The following SIRT1 variants were observed in gnomAD, a reference collection of about 807,000 sequenced individuals.
SIRT1 encodes sirtuin 1.
In SIRT1, 24 loss-of-function variants were observed where a neutral mutation model predicts 67.9. The ratio of observed to expected loss-of-function variants is 0.35; its 90% CI spans 0.26 to 0.50. The LOEUF (loss-of-function observed/expected upper bound fraction) is 0.50, where lower values mean the gene tolerates loss of function less well. Ranked by LOEUF, SIRT1 falls within the 20% of genes least tolerant of loss-of-function variation. SIRT1 has a pLI of 0.98. For missense variants in SIRT1, 873 were observed against 937.2 expected (o/e 0.93, Z 0.89); for synonymous variants, 378 against 350.7 (o/e 1.08, Z -0.87).
At position 67,887,448 on chromosome 10, in the gene SIRT1, T is replaced by C. The variant is rs1842501447; in HGVS notation, c.462T>C (p.Thr154=). 6.2e-7 allele frequency: 1 copy of C among 1,613,818 alleles called. No homozygotes were observed. Among genetic ancestry groups the C allele is most frequent in the Non-Finnish European group, 8.5e-7 (1 of 1,179,766 alleles). The change falls in exon 2 of 9, where the codon ACT becomes ACC. Residue 154 remains threonine, a synonymous_variant. Coordinates refer to ENST00000212015, the MANE Select transcript of SIRT1 (RefSeq NM_012238.5). ...DNLLFGDEII[T]NGFHSCESDE... is the part of the protein sequence containing the mutation. ...TTCTGTTCGGTGATGAAATTATCAC[T>C]AATGGTTTTCATTCCTGTGAAAGTG...
chr10:67,904,926 G>A (rs1373766246), intron 4 of SIRT1, among the ~76,000 whole-genome samples: 1 of 151,448 alleles, frequency 6.6e-6, no homozygotes, highest in Non-Finnish European at 1.5e-5. Context: ...GAATTAATAA[G>A]AGCTAAATCT....
chr10:67,890,674 AAT>A (rs1808971372), intron 3 of SIRT1, among the ~76,000 whole-genome samples: 1 of 152,000 alleles, frequency 6.6e-6, no homozygotes, highest in African/African-American at 2.4e-5. Flanking sequence ...TTAAGGCCAT[AAT>A]GAGCCATGAT....
At chr10:67,915,647 A>G (rs2029887385) in intron 8 of SIRT1, among the ~76,000 whole-genome samples, 1 of 152,164 alleles carries the variant, frequency 6.6e-6, no homozygotes, top group South Asian at 2.1e-4. Context: ...TGACTACATT[A>G]TTGACAAAAT....
intron 1 of SIRT1, among the ~76,000 whole-genome samples, chr10:67,886,855 TTTTC>T (rs1219878006): frequency 6.7e-6 from 1 of 149,232 alleles, no homozygotes; most frequent in Non-Finnish European, 1.5e-5. Flanking sequence ...GATTATTATC[TTTTC>T]TTTTTTTTTT....
At chr10:67,886,727 TG>T (rs1401895561) in intron 1 of SIRT1, among the ~76,000 whole-genome samples, 1 of 152,166 alleles carries the variant, frequency 6.6e-6, no homozygotes, top group Non-Finnish European at 1.5e-5. Flanking sequence ...TGTAGTATTG[TG>T]TAAGTTTAAC....
intron 7 of SIRT1, among the ~76,000 whole-genome samples, chr10:67,911,582 A>G (rs1447703312): frequency 6.6e-6 from 1 of 152,022 alleles, no homozygotes; most frequent in African/African-American, 2.4e-5. Flanking sequence ...ATAATAGCGT[A>G]GAATATGTTT....
At chr10:67,892,234 A>G (rs371091529) in intron 4 of SIRT1, among the ~76,000 whole-genome samples, 43 of 152,328 alleles carry the variant, frequency 2.8e-4, no homozygotes, top group African/African-American at 1.0e-3. Flanking sequence ...ACTTAAAATT[A>G]ATTTTGAATT....
chr10:67,903,976 A>G (rs957565316), intron 4 of SIRT1, among the ~76,000 whole-genome samples: 2 of 152,170 alleles, frequency 1.3e-5, no homozygotes, highest in South Asian at 4.1e-4. Context: ...CACTTTCACC[A>G]TGGAAGAGTT....
chr10:67,906,952 G>A lies in SIRT1; in HGVS notation c.1090+15G>A. On this transcript the variant is annotated intron_variant, in intron 5 of 8. Transcript: ENST00000212015. The stretch of plus-strand genomic sequence containing the variant: ...TCAGTGTCATGGTTAGTAAACTTCA[G>A]AGTGGTTTTCTGTAATTTATTTTAG... The A allele has an allele frequency of 3.9e-6, 6 of 1,547,888 alleles. No homozygotes were observed. The highest frequency in any genetic ancestry group is 5.2e-6 in the Non-Finnish European group (6 of 1,153,766).
intron 6 of SIRT1, among the ~76,000 whole-genome samples, chr10:67,908,438 A>T (rs1272672507): frequency 6.6e-6 from 1 of 152,136 alleles, no homozygotes; most frequent in Admixed American, 6.6e-5. Flanking sequence ...TGCCTGTCAG[A>T]TTTGGACCTT....
In SIRT1 at chr10:67,884,769, G is replaced by A. The variant is rs202116523; in HGVS notation, c.48G>A (p.Ser16=). The change falls in exon 1 of 9, where the codon TCG becomes TCA. Residue 16 remains serine (S), a synonymous_variant. Transcript: ENST00000212015. ...CCCTTCAGCCCGGCGGCTCCCCCTC[G>A]GCGGCGGGGGCCGACAGGGAGGCCG... ...ALALQPGGSP[S]AAGADREAAS... The A allele has an allele frequency of 3.5e-3, 4,342 of 1,227,948 alleles. 13 individuals carry two copies. Among genetic ancestry groups the A allele is most frequent in the Non-Finnish European group, 4.0e-3 (3,982 of 985,438 alleles). 76.1% of individuals were successfully genotyped at this position (1,227,948 alleles called of 1,614,324 possible). A position where few individuals can be genotyped will look rare whatever the true frequency, so the allele number is the denominator to read the frequency against.
rs1433450046 is a variant in SIRT1, at chr10:67,917,915, ACAT to A, written c.*1325_*1327del. ...CATTTATTTTTCAGACCATTTTTGAACATCACTCCTAAATTAATAAAGTATTCC... is the reference window on the plus strand; with the variant it reads ...CATTTATTTTTCAGACCATTTTTGAACACTCCTAAATTAATAAAGTATTCC... On this transcript the variant is annotated 3_prime_UTR_variant, in exon 9 of 9. Coordinates refer to ENST00000212015, the MANE Select transcript of SIRT1 (RefSeq NM_012238.5). The A allele has an allele frequency of 6.6e-6, 1 of 152,472 alleles. No individual in the cohort carries two copies. The highest frequency in any genetic ancestry group is 1.5e-5 in the Non-Finnish European group (1 of 68,034). The allele number at this position is 152,472 out of a possible 1,614,324, so 9.4% of individuals were successfully genotyped here. A position where few individuals can be genotyped will look rare whatever the true frequency, so the allele number is the denominator to read the frequency against.
At chr10:67,885,230 C>A in intron 1 of SIRT1, 79 bp downstream of exon 1, 1 of 1,259,578 alleles carries the variant, frequency 7.9e-7, no homozygotes. Context: ...AGGTTGAGGG[C>A]GGCTGGGGGC....
chr10:67,912,513 G>A lies in SIRT1; in HGVS notation c.1397G>A (p.Arg466Lys), dbSNP rs764179598. ...PHEVPQILIN[R>K]EPLPHLHFDV... ...GAAGTGCCTCAGATATTAATTAATA[G>A]AGAACCTTTGCCTCATCTGCATTTT... The change falls in exon 8 of 9, where the codon AGA becomes AAA. Residue 466 changes from arginine to lysine, a missense_variant. By Grantham distance (26) the Arg-to-Lys change is conservative. This residue lies in a region of SIRT1 where 251 missense variants were observed against 358.8 expected (regional missense o/e 0.70). Transcript: ENST00000212015. 2 of 1,613,296 alleles carry A rather than the reference G, an allele frequency of 1.2e-6. No individual in the cohort carries two copies. The highest frequency in any genetic ancestry group is 4.5e-5 in the East Asian group (2 of 44,858).
chr10:67,885,268 C>A (rs1842457908), intron 1 of SIRT1, 117 bp downstream of exon 1: 2 of 1,247,434 alleles, frequency 1.6e-6, no homozygotes, highest in Non-Finnish European at 2.0e-6. Flanking sequence ...GCGTTCCCCT[C>A]CCCACCCCGG....
In SIRT1 at chr10:67,893,382, G is replaced by A. The variant is rs552098879; in HGVS notation, c.942+1828G>A. Among the ~76,000 whole-genome samples, 302 of 152,260 alleles carry A rather than the reference G, an allele frequency of 2.0e-3. 1 individual carries two copies. Among genetic ancestry groups the A allele is most frequent in the African/African-American group, 7.0e-3 (290 of 41,534 alleles). On this transcript the variant is annotated intron_variant, in intron 4 of 8. Coordinates refer to ENST00000212015, the MANE Select transcript of SIRT1 (RefSeq NM_012238.5). ...CTTATTGTTCAACTCTCACTTATGA[G>A]TGAGGACATGTGGTGTTTGGTTTTC...
At chr10:67,891,256 G>T (rs1406469245) in intron 3 of SIRT1, 146 bp from the exon 4 acceptor site, 7 of 621,716 alleles carry the variant, frequency 1.1e-5, no homozygotes, top group Middle Eastern at 4.1e-4. Flanking sequence ...CTGAAATAAG[G>T]GTAGGGTTGT....
At chr10:67,910,528 TTATC>T (rs992186900) in intron 7 of SIRT1, among the ~76,000 whole-genome samples, 8 of 152,232 alleles carry the variant, frequency 5.3e-5, no homozygotes, top group Non-Finnish European at 5.9e-5. Flanking sequence ...AAATGGTCCT[TTATC>T]CTTATATTTT....
At chr10:67,890,403 A>G (rs1285831595) in intron 3 of SIRT1, among the ~76,000 whole-genome samples, 1 of 152,086 alleles carries the variant, frequency 6.6e-6, no homozygotes, top group African/African-American at 2.4e-5. Context: ...GTATTGAGGT[A>G]ATAGAATCCT....
Sources: allele counts gnomAD v4.1 joint callset (sites outside exome capture counted in the v4.1 genomes callset), GRCh38; gene constraint gnomAD v4.1.1; regional missense constraint gnomAD v4.1.1; transcripts MANE v1.5; gene names NCBI Gene and HGNC (gene_info 2026-07-23, HGNC 2026-07-21).